ZNF282: variants seen among roughly 807,000 people sequenced by gnomAD.
The protein encoded by ZNF282 is zinc finger protein 282.
A neutral mutation model predicts 61.9 loss-of-function variants in ZNF282; 30 were observed. The observed-to-expected ratio is 0.48, with a 90% CI of 0.36 to 0.66. ZNF282 has a LOEUF of 0.66. Ranked by LOEUF, ZNF282 falls within the 30% of genes least tolerant of loss-of-function variation. The probability of loss-of-function intolerance (pLI) is 0.00; values close to 1 mark genes in which losing one functional copy is unlikely to be tolerated. For missense variants in ZNF282, 788 were observed against 941.4 expected, an observed-to-expected ratio of 0.84 and a Z score of 2.13; for synonymous variants, 396 against 405.0, an observed-to-expected ratio of 0.98 and a Z score of 0.27.
chr7:149,217,660 C>G (rs1796180259), intron 7 of ZNF282, among the ~76,000 whole-genome samples: 1 of 152,004 alleles, frequency 6.6e-6, no homozygotes, highest in South Asian at 2.1e-4. Flanking sequence ...CAGGATGCAG[C>G]AATGCTCTGA....
Position 149,224,413 on chromosome 7 carries a change from G to T in ZNF282, c.1782G>T (p.Arg594=). ...AGGAGCACCTGCAGAACCACCAGCG[G>T]CTGCACACGGGCGAGCGGCCTTTCC... is the stretch of plus-strand genomic sequence containing the variant. ...SRKEHLQNHQ[R]LHTGERPFQC... The change falls in exon 8 of 8, where the codon CGG becomes CGT. Residue 594 remains arginine (R), a synonymous_variant. Coordinates refer to ENST00000610704, the MANE Select transcript of ZNF282 (RefSeq NM_003575.4). 1 of 1,613,916 alleles carries T rather than the reference G, an allele frequency of 6.2e-7. No homozygotes were observed. Among genetic ancestry groups the T allele is most frequent in the Non-Finnish European group, 8.5e-7 (1 of 1,179,948 alleles).
chr7:149,223,284 G>GT (rs35217674), intron 7 of ZNF282, among the ~76,000 whole-genome samples: 43,499 of 147,152 alleles, frequency 0.3, 7,390 homozygotes, highest in African/African-American at 0.48. Context: ...GAAAAGATTT[G>GT]TTTTTTTTTT....
At chr7:149,216,920 G>T (rs571287685) in intron 7 of ZNF282, among the ~76,000 whole-genome samples, 21 of 152,322 alleles carry the variant, frequency 1.4e-4, no homozygotes, top group African/African-American at 5.1e-4. Context: ...GCATGTTAGT[G>T]TAAGACAAGA....
intron 1 of ZNF282, among the ~76,000 whole-genome samples, chr7:149,197,760 C>T (rs1795841609): frequency 1.3e-5 from 2 of 152,212 alleles, no homozygotes; most frequent in African/African-American, 4.8e-5. Flanking sequence ...TGAGCCACTG[C>T]ACCTGGCCAG....
At chr7:149,211,547 C>T (rs1338912856) in intron 5 of ZNF282, among the ~76,000 whole-genome samples, 1 of 152,124 alleles carries the variant, frequency 6.6e-6, no homozygotes, top group Non-Finnish European at 1.5e-5. Flanking sequence ...AAAAATATAC[C>T]TTCATAGAAA....
chr7:149,196,927 C>T (rs1001841308), intron 1 of ZNF282, among the ~76,000 whole-genome samples: 7 of 152,194 alleles, frequency 4.6e-5, no homozygotes, highest in African/African-American at 1.7e-4. Context: ...CTGCCCAGAT[C>T]GCCCCAAGCA....
At chr7:149,200,796 C>A (rs1795896315) in intron 2 of ZNF282, among the ~76,000 whole-genome samples, 1 of 152,104 alleles carries the variant, frequency 6.6e-6, no homozygotes, top group Admixed American at 6.6e-5. Flanking sequence ...GGGGTTTCAC[C>A]ATGTTGGCCA....
At position 149,206,682 on chromosome 7, in the gene ZNF282, G is replaced by T. The variant is rs371793785; in HGVS notation, c.586-14G>T. 3.7e-6 allele frequency: 6 copies of T among 1,613,978 alleles called. No homozygotes were observed. Among genetic ancestry groups the T allele is most frequent in the Non-Finnish European group, 5.1e-6 (6 of 1,179,996 alleles). On this transcript the variant is annotated splice_polypyrimidine_tract_variant and intron_variant, in intron 2 of 7. Transcript: ENST00000610704. ...ACAGGCAGGAGGCGCTAGATTAACCGCTTGTTGGCTTAGGTTCCAGTGACT... is the reference window on the plus strand; with the variant it reads ...ACAGGCAGGAGGCGCTAGATTAACCTCTTGTTGGCTTAGGTTCCAGTGACT...
rs1796342373 is a variant in ZNF282, at chr7:149,224,887, G to C, written c.*240G>C. ...AGCCAGGGGGACCGCGAGGAGCCGA[G>C]CGTCCTCGGGCACCGCCCTCACACC... On this transcript the variant is annotated 3_prime_UTR_variant, in exon 8 of 8. Coordinates refer to ENST00000610704, the MANE Select transcript of ZNF282 (RefSeq NM_003575.4). 3.0e-6 allele frequency: 2 copies of C among 661,772 alleles called. No individual in the cohort carries two copies. The highest frequency in any genetic ancestry group is 4.7e-5 in the South Asian group (2 of 42,154). 41.0% of individuals were successfully genotyped at this position (661,772 alleles called of 1,614,324 possible).
In ZNF282 at chr7:149,198,277, T is replaced by C. The variant is rs1486841896; in HGVS notation, c.166-56T>C. 6.5e-7 allele frequency: 1 copy of C among 1,533,380 alleles called. No individual in the cohort carries two copies. The allele number at this position is 1,533,380 out of a possible 1,614,324, so 95.0% of individuals were successfully genotyped here. A position where few individuals can be genotyped will look rare whatever the true frequency, so the allele number is the denominator to read the frequency against. On this transcript the variant is annotated intron_variant, in intron 1 of 7. Coordinates refer to ENST00000610704, the MANE Select transcript of ZNF282 (RefSeq NM_003575.4). The surrounding 1 kb of genome is among the most constrained non-coding windows in gnomAD (Gnocchi z 4.3). ...AGTTGACCCCTGTTCCCAGCTGACTTCCCCGGCTCACACAAGGTCTCATCC... is the reference window on the plus strand; with the variant it reads ...AGTTGACCCCTGTTCCCAGCTGACTCCCCCGGCTCACACAAGGTCTCATCC...
In ZNF282 at chr7:149,210,644, C is replaced by G. The variant is rs1391526610; in HGVS notation, c.892C>G (p.Leu298Val). Residue 298 changes from leucine to valine, a missense_variant, in exon 5 of 8, where the codon CTG becomes GTG. Physicochemically the swap from Leu to Val is conservative, Grantham distance 32. Transcript: ENST00000610704. ...CTCCCAGGTGAAGCGTGAGGACACC[C>G]TGTGTGTCCGGGGTCAGCGGGGCCT... Reference protein sequence around the residue: ...ASSQVKREDTLCVRGQRGLEE... With the variant: ...ASSQVKREDTVCVRGQRGLEE... 3 of 1,612,012 alleles carry G rather than the reference C, an allele frequency of 1.9e-6. No individual in the cohort carries two copies. In the South Asian group the frequency reaches 3.3e-5, roughly 18 times the overall value.
rs1007920240 is a variant in ZNF282, at chr7:149,224,352, A to T, written c.1721A>T (p.Tyr574Phe). 8.1e-6 allele frequency: 13 copies of T among 1,613,678 alleles called. No individual in the cohort carries two copies. Among genetic ancestry groups the T allele is most frequent in the Non-Finnish European group, 1.1e-5 (13 of 1,179,922 alleles). Residue 574 changes from tyrosine (Y) to phenylalanine (F), a missense_variant, in exon 8 of 8, where the codon TAC becomes TTC. By Grantham distance (22) the Tyr-to-Phe change is conservative. Transcript: ENST00000610704. ...HQMTHRGERP[Y>F]KCSECEKTYS... is the part of the protein sequence containing the mutation. ...ATGACGCACCGCGGCGAGCGGCCCT[A>T]CAAGTGCTCGGAGTGCGAGAAGACC...
intron 5 of ZNF282, among the ~76,000 whole-genome samples, chr7:149,211,032 G>T (rs1020340510): frequency 6.6e-5 from 10 of 152,224 alleles, no homozygotes; most frequent in African/African-American, 1.2e-4. Context: ...CTTCATGGGT[G>T]GGGGAACAGG....
chr7:149,201,133 G>A (rs973567100), intron 2 of ZNF282, among the ~76,000 whole-genome samples: 2 of 152,172 alleles, frequency 1.3e-5, no homozygotes, highest in Admixed American at 6.5e-5. Context: ...CGTTGATGAC[G>A]GATGGTTCCA....
chr7:149,210,919 G>A (rs1167446643), intron 5 of ZNF282, among the ~76,000 whole-genome samples: 1 of 152,188 alleles, frequency 6.6e-6, no homozygotes, highest in East Asian at 1.9e-4. Context: ...GGTACACCTG[G>A]GCTCAGCGTG....
rs544214272 is a variant in ZNF282 at position 149,199,810 on chromosome 7, A to G, written c.585+1058A>G. Among the ~76,000 whole-genome samples the G allele has an allele frequency of 3.9e-5, 6 of 152,134 alleles. No homozygotes were observed. In the East Asian group the frequency reaches 9.7e-4, roughly 25 times the overall value. ...AATCCCTGCCCACTTCCCCACTCCCATTTTATTTTGAAGCAAACCCCAGAC... is the reference window on the plus strand; with the variant it reads ...AATCCCTGCCCACTTCCCCACTCCCGTTTTATTTTGAAGCAAACCCCAGAC... On this transcript the variant is annotated intron_variant, in intron 2 of 7. Coordinates refer to ENST00000610704, the MANE Select transcript of ZNF282 (RefSeq NM_003575.4).
chr7:149,196,293 T>C (rs927936514), intron 1 of ZNF282, among the ~76,000 whole-genome samples: 4 of 152,226 alleles, frequency 2.6e-5, no homozygotes, highest in East Asian at 3.8e-4. Flanking sequence ...CATGGAGAGA[T>C]GACTTCGGGG....
chr7:149,224,188 G>T lies in ZNF282; in HGVS notation c.1557G>T (p.Ser519=). Residue 519 remains serine, a synonymous_variant, in exon 8 of 8, where the codon TCG becomes TCT. Coordinates refer to ENST00000610704, the MANE Select transcript of ZNF282 (RefSeq NM_003575.4). The part of the protein sequence containing the change: ...LLHGARSKPY[S]CPECGKSFGV... Reference sequence around the variant, plus strand: ...ACGGCGCCCGCAGCAAGCCCTACTCGTGCCCCGAGTGCGGCAAGAGCTTCG... The same window carrying T: ...ACGGCGCCCGCAGCAAGCCCTACTCTTGCCCCGAGTGCGGCAAGAGCTTCG... The T allele has an allele frequency of 2.5e-6, 4 of 1,603,902 alleles. No homozygotes were observed. Among genetic ancestry groups the T allele is most frequent in the Non-Finnish European group, 3.4e-6 (4 of 1,179,284 alleles).
At chr7:149,202,716 G>T (rs562815457) in intron 2 of ZNF282, among the ~76,000 whole-genome samples, 1 of 152,312 alleles carries the variant, frequency 6.6e-6, no homozygotes, top group African/African-American at 2.4e-5. Flanking sequence ...CTCCCAAAGT[G>T]CTGGGATTAC....
Sources: gnomAD v4.1 joint callset for allele counts (sites outside exome capture counted in the v4.1 genomes callset) on GRCh38, gnomAD v4.1.1 for gene constraint, Gnocchi (gnomAD v3.1) non-coding constraint, MANE v1.5 for transcripts, NCBI Gene and HGNC (gene_info 2026-07-23, HGNC 2026-07-21) for gene names.